The following AHCYL2 variants were observed in gnomAD, a reference collection of about 807,000 sequenced individuals.
AHCYL2 encodes the protein adenosylhomocysteinase like 2.
A neutral mutation model predicts 81.4 loss-of-function variants in AHCYL2; 28 were observed. The observed-to-expected ratio is 0.34, with a 90% CI of 0.25 to 0.47. The LOEUF is 0.47. Among genes scored for constraint, AHCYL2 ranks in the 20% least tolerant of loss-of-function variants. The pLI, the probability that AHCYL2 is intolerant of heterozygous loss-of-function variation, is 1.00. For missense variants in AHCYL2, 551 were observed against 785.1 expected, an observed-to-expected ratio of 0.70 and a Z score of 3.56; for synonymous variants, 272 against 290.2, an observed-to-expected ratio of 0.94 and a Z score of 0.64.
At chr7:129,403,318 A>G (rs1291975208) in intron 6 of AHCYL2, 61 bp from the exon 7 acceptor site, 1 of 1,093,322 alleles carries the variant, frequency 9.1e-7, no homozygotes, top group East Asian at 2.6e-5. Flanking sequence ...AGACCCAGAG[A>G]AGCACTGAAG....
intron 1 of AHCYL2, among the ~76,000 whole-genome samples, chr7:129,350,052 C>T (rs1052065279): frequency 6.6e-5 from 10 of 152,172 alleles, no homozygotes; most frequent in Non-Finnish European, 1.5e-4. Context: ...CAAATTTATA[C>T]TGTGGTCATT....
intron 1 of AHCYL2, among the ~76,000 whole-genome samples, chr7:129,257,716 G>A (rs535002893): frequency 4.6e-5 from 7 of 152,128 alleles, no homozygotes; most frequent in African/African-American, 1.7e-4. Context: ...AAAGTAATTT[G>A]TTGTCCATAC....
At chr7:129,278,636 A>G in intron 1 of AHCYL2, among the ~76,000 whole-genome samples, 1 of 152,048 alleles carries the variant, frequency 6.6e-6, no homozygotes, top group East Asian at 1.9e-4. Flanking sequence ...TCTTTGTCCA[A>G]CCCAAGATTA....
At chr7:129,285,152 A>G (rs938583057) in intron 1 of AHCYL2, among the ~76,000 whole-genome samples, 3 of 152,092 alleles carry the variant, frequency 2.0e-5, no homozygotes, top group Admixed American at 1.3e-4. Flanking sequence ...TCTCCCATCT[A>G]TGGCCTCCCT....
chr7:129,297,900 C>T (rs1797108456), intron 1 of AHCYL2, among the ~76,000 whole-genome samples: 1 of 152,058 alleles, frequency 6.6e-6, no homozygotes, highest in Admixed American at 6.6e-5. Context: ...GTGGACTAAT[C>T]CACTAATAGT....
intron 1 of AHCYL2, among the ~76,000 whole-genome samples, chr7:129,284,261 G>A (rs1455492579): frequency 2.0e-5 from 3 of 152,120 alleles, no homozygotes; most frequent in African/African-American, 7.2e-5. Flanking sequence ...AAGGACAAGC[G>A]TGAGGAATAG....
rs1796335387 is a variant in AHCYL2 at position 129,406,967 on chromosome 7, T to C, written c.1295+501T>C. Among the ~76,000 whole-genome samples the C allele has an allele frequency of 6.6e-6, 1 of 152,208 alleles. No homozygotes were observed. Among genetic ancestry groups the C allele is most frequent in the Non-Finnish European group, 1.5e-5 (1 of 68,044 alleles). On this transcript the variant is annotated intron_variant, in intron 10 of 16. Coordinates refer to ENST00000325006, the MANE Select transcript of AHCYL2 (RefSeq NM_015328.4). This position sits in a 1 kb window ranked among gnomAD's most constrained non-coding sequence, Gnocchi z 4.3. The stretch of plus-strand genomic sequence containing the variant: ...ATTATAATTCTTAAGTTTGAAATGA[T>C]TCTAAAATTAAAAGTTAAAACTTTT...
intron 10 of AHCYL2, among the ~76,000 whole-genome samples, chr7:129,407,949 T>A (rs1796381945): frequency 1.3e-5 from 2 of 152,228 alleles, no homozygotes. Flanking sequence ...TTCCAGGTAC[T>A]GGGAACATGT....
intron 1 of AHCYL2, among the ~76,000 whole-genome samples, chr7:129,276,046 C>T (rs1032836778): frequency 1.3e-5 from 2 of 152,014 alleles, no homozygotes; most frequent in African/African-American, 4.8e-5. Flanking sequence ...GTACTCAATT[C>T]AGTTAAGACT....
intron 1 of AHCYL2, among the ~76,000 whole-genome samples, chr7:129,267,692 A>G (rs1434769290): frequency 6.6e-6 from 1 of 152,160 alleles, no homozygotes; most frequent in Admixed American, 6.5e-5. Context: ...GAGAATAATC[A>G]GGCTATTGTA....
At chr7:129,302,399 T>C (rs902958207) in intron 1 of AHCYL2, among the ~76,000 whole-genome samples, 68 of 152,338 alleles carry the variant, frequency 4.5e-4, no homozygotes, top group African/African-American at 1.5e-3. Flanking sequence ...CAGTACTATA[T>C]TGGATCATAG....
chr7:129,330,982 C>T (rs977208815), intron 1 of AHCYL2, among the ~76,000 whole-genome samples: 7 of 152,260 alleles, frequency 4.6e-5, no homozygotes, highest in Non-Finnish European at 7.4e-5. Flanking sequence ...AAGAAGCCAT[C>T]AGAGATTGTT....
At chr7:129,364,416 G>T (rs1034626659) in intron 1 of AHCYL2, among the ~76,000 whole-genome samples, 5 of 152,072 alleles carry the variant, frequency 3.3e-5, no homozygotes, top group Non-Finnish European at 7.4e-5. Context: ...TCAGCCTCCT[G>T]AGTTGCTGGG....
At chr7:129,345,536 T>G (rs1210757701) in intron 1 of AHCYL2, among the ~76,000 whole-genome samples, 1 of 152,186 alleles carries the variant, frequency 6.6e-6, no homozygotes, top group African/African-American at 2.4e-5. Flanking sequence ...GTCATCAGAA[T>G]TTAGGTTTTG....
At chr7:129,288,813 G>C (rs1418338775) in intron 1 of AHCYL2, among the ~76,000 whole-genome samples, 1 of 152,072 alleles carries the variant, frequency 6.6e-6, no homozygotes, top group South Asian at 2.1e-4. Flanking sequence ...CTGTCACCCA[G>C]GCTGGAGGTG....
In AHCYL2 at chr7:129,368,681, T is replaced by C; in HGVS notation, c.364-10957T>C. ...CCGTGGTTGGAAAAACAGTTATTAC[T>C]CTACGTTCTGATTAGTTCCTAGGTA... On this transcript the variant is annotated intron_variant, in intron 1 of 16. Transcript: ENST00000325006. This position sits in a 1 kb window ranked among gnomAD's most constrained non-coding sequence, Gnocchi z 4.4. 9.0e-7 allele frequency: 1 copy of C among 1,116,624 alleles called. No homozygotes were observed. 69.2% of individuals were successfully genotyped at this position (1,116,624 alleles called of 1,614,324 possible).
chr7:129,405,781 C>A, intron 8 of AHCYL2, 55 bp from the exon 9 acceptor site: 2 of 1,535,796 alleles, frequency 1.3e-6, no homozygotes, highest in Non-Finnish European at 1.8e-6. Flanking sequence ...TCAATCTAAC[C>A]TCAAGGGAGA....
chr7:129,288,107 A>G (rs568000768), intron 1 of AHCYL2, among the ~76,000 whole-genome samples: 1 of 152,214 alleles, frequency 6.6e-6, no homozygotes, highest in Non-Finnish European at 1.5e-5. Context: ...TCATAAATGT[A>G]TATTTTTTCA....
chr7:129,311,788 C>T (rs548291262), intron 1 of AHCYL2, among the ~76,000 whole-genome samples: 18 of 152,214 alleles, frequency 1.2e-4, no homozygotes, highest in African/African-American at 4.3e-4. Context: ...TTGCTGTTTC[C>T]GTCGTCTGTT....
Sources: allele counts gnomAD v4.1 joint callset (sites outside exome capture counted in the v4.1 genomes callset), GRCh38; gene constraint gnomAD v4.1.1; non-coding constraint Gnocchi (gnomAD v3.1); transcripts MANE v1.5; gene names NCBI Gene and HGNC (gene_info 2026-07-23, HGNC 2026-07-21).